NDUFS7: variants seen among roughly 807,000 people sequenced by gnomAD.
The protein encoded by NDUFS7 is NADH dehydrogenase [ubiquinone] iron-sulfur protein 7, mitochondrial.
Under a neutral mutation model 31.1 loss-of-function variants are expected in NDUFS7, and 11 were observed. The observed-to-expected ratio is 0.35, with a 90% CI of 0.22 to 0.59. NDUFS7 has a LOEUF of 0.59. Among genes scored for constraint, NDUFS7 ranks in the 20% least tolerant of loss-of-function variants. The pLI is 0.79. For synonymous variants in NDUFS7, 136 were observed against 127.9 expected, an observed-to-expected ratio of 1.06 and a Z score of -0.43; for missense variants, 263 against 324.2, an observed-to-expected ratio of 0.81 and a Z score of 1.45.
chr19:1,394,398 G>A (rs149492562), intron 7 of NDUFS7: 303 of 1,289,274 alleles, frequency 2.4e-4, no homozygotes, highest in Non-Finnish European at 2.9e-4. Flanking sequence ...AGTGTGGACT[G>A]TACTCCTCCC....
chr19:1,387,633 G>A, intron 1 of NDUFS7, 178 bp from the exon 2 acceptor site: 1 of 651,722 alleles, frequency 1.5e-6, no homozygotes, highest in South Asian at 1.7e-5. Context: ...TCTCAAGCAG[G>A]GGACTAAGAC....
chr19:1,389,145 GCA>G lies in NDUFS7; in HGVS notation c.228+211_228+212del, dbSNP rs766499001. 5.0e-5 allele frequency: 35 copies of G among 701,976 alleles called. No individual in the cohort carries two copies. The East Asian group carries it at 8.6e-4, about 17-fold the overall frequency. 43.5% of individuals were successfully genotyped at this position (701,976 alleles called of 1,614,324 possible). On this transcript the variant is annotated intron_variant, in intron 4 of 7. Coordinates refer to ENST00000233627, the MANE Select transcript of NDUFS7 (RefSeq NM_024407.5). ...ACACTCACGCACACAATGCACATAT[GCA>G]CACTCGCACACATGCACACTTGCAC...
chr19:1,387,658 A>C (rs1301094811), intron 1 of NDUFS7, 153 bp from the exon 2 acceptor site: 2 of 704,640 alleles, frequency 2.8e-6, no homozygotes, highest in Admixed American at 2.0e-5. Context: ...TCGTGTTCTG[A>C]AAACCCCCTC....
At chr19:1,385,601 C>G (rs987388725) in intron 1 of NDUFS7, among the ~76,000 whole-genome samples, 1 of 152,086 alleles carries the variant, frequency 6.6e-6, no homozygotes, top group Non-Finnish European at 1.5e-5. Context: ...GGCGGATCCC[C>G]TGAGTTCGGG....
chr19:1,385,587 G>A (rs1339032357), intron 1 of NDUFS7, among the ~76,000 whole-genome samples: 3 of 152,090 alleles, frequency 2.0e-5, no homozygotes, highest in Non-Finnish European at 2.9e-5. Context: ...GGGAGGCCGA[G>A]GTGGGCGGAT....
intron 7 of NDUFS7, chr19:1,394,651 C>T (rs2082583062): frequency 3.3e-6 from 4 of 1,219,778 alleles, no homozygotes; most frequent in African/African-American, 3.4e-5. Flanking sequence ...CCCTGGGGAC[C>T]TCGCTCCTCC....
chr19:1,391,573 G>A (rs1249039347), intron 6 of NDUFS7, among the ~76,000 whole-genome samples: 39 of 145,278 alleles, frequency 2.7e-4, no homozygotes, highest in African/African-American at 8.5e-4. Context: ...TGCAACCTCC[G>A]CCTCCCAGGT....
chr19:1,388,522 C>A lies in NDUFS7; in HGVS notation c.54-3C>A. 6.2e-7 allele frequency: 1 copy of A among 1,610,894 alleles called. No homozygotes were observed. The highest frequency in any genetic ancestry group is 8.5e-7 in the Non-Finnish European group (1 of 1,179,806). ...CACTGACCCGCGTTCCATCTCCCGG[C>A]AGCTCCAGCGTGGGCCCGGCTGTGC... On this transcript the variant is annotated splice_polypyrimidine_tract_variant and splice_region_variant and intron_variant, in intron 2 of 7. Coordinates refer to ENST00000233627, the MANE Select transcript of NDUFS7 (RefSeq NM_024407.5).
Position 1,395,227 on chromosome 19 carries a change from C to T in NDUFS7, c.545-164C>T, listed in dbSNP as rs115008933. On this transcript the variant is annotated intron_variant, in intron 7 of 7. Coordinates refer to ENST00000233627, the MANE Select transcript of NDUFS7 (RefSeq NM_024407.5). ...CCCACTCTTCCTGCAGGGACCTCCC[C>T]TGCGCCGGCTCCCAGTCCCTGGCAC... The T allele has an allele frequency of 4.3e-3, 6,218 of 1,437,474 alleles. 248 individuals carry two copies. In the African/African-American group the frequency reaches 0.081, roughly 19 times the overall value. The allele number at this position is 1,437,474 out of a possible 1,614,324, so 89.0% of individuals were successfully genotyped here. A position where few individuals can be genotyped will look rare whatever the true frequency, so the allele number is the denominator to read the frequency against.
chr19:1,384,421 G>C (rs1600143610), intron 1 of NDUFS7, among the ~76,000 whole-genome samples: 1 of 152,246 alleles, frequency 6.6e-6, no homozygotes, highest in African/African-American at 2.4e-5. Flanking sequence ...CCCCTGGGAG[G>C]TAAGGGCCTC....
chr19:1,385,976 A>G (rs999463433), intron 1 of NDUFS7, among the ~76,000 whole-genome samples: 4 of 152,208 alleles, frequency 2.6e-5, no homozygotes, highest in African/African-American at 7.2e-5. Context: ...AGCTCCCACC[A>G]GAGCCTGGGG....
rs112099626 is a variant in NDUFS7, at chr19:1,393,005, C to T, written c.456-237C>T. 317 of 592,356 alleles carry T rather than the reference C, an allele frequency of 5.4e-4. No homozygotes were observed. Among genetic ancestry groups the T allele is most frequent in the African/African-American group, 5.0e-3 (272 of 53,884 alleles). 36.7% of individuals were successfully genotyped at this position (592,356 alleles called of 1,614,324 possible). A position where few individuals can be genotyped will look rare whatever the true frequency, so the allele number is the denominator to read the frequency against. On this transcript the variant is annotated intron_variant, in intron 6 of 7. Coordinates refer to ENST00000233627, the MANE Select transcript of NDUFS7 (RefSeq NM_024407.5). This position sits in a 1 kb window ranked among gnomAD's most constrained non-coding sequence, Gnocchi z 7.3. ...CCGGGAATCGGTGGTCAGGAGCCCC[C>T]TCGGGAGGGGAGCACTTTTCCCCGA...
chr19:1,389,197 G>A lies in NDUFS7; in HGVS notation c.228+259G>A, dbSNP rs780045606. ...CACACATGCACACACAAGCACATGTGCACACACGCTTGCACACATACACAC... is the reference window on the plus strand; with the variant it reads ...CACACATGCACACACAAGCACATGTACACACACGCTTGCACACATACACAC... On this transcript the variant is annotated intron_variant, in intron 4 of 7. Coordinates refer to ENST00000233627, the MANE Select transcript of NDUFS7 (RefSeq NM_024407.5). 8.7e-6 allele frequency: 6 copies of A among 687,206 alleles called. No individual in the cohort carries two copies. The African/African-American group carries it at 1.1e-4, about 12-fold the overall frequency. 42.6% of individuals were successfully genotyped at this position (687,206 alleles called of 1,614,324 possible). A position where few individuals can be genotyped will look rare whatever the true frequency, so the allele number is the denominator to read the frequency against.
chr19:1,391,676 G>A (rs1370051089), intron 6 of NDUFS7, among the ~76,000 whole-genome samples: 2 of 151,240 alleles, frequency 1.3e-5, no homozygotes, highest in Non-Finnish European at 2.9e-5. Context: ...TAGTAGAGAC[G>A]GGGTTTTACC....
At chr19:1,387,726 CAGGA>C in intron 1 of NDUFS7, 81 bp from the exon 2 acceptor site, 1 of 1,266,210 alleles carries the variant, frequency 7.9e-7, no homozygotes, top group Admixed American at 1.7e-5. Context: ...GCTGTGCGGG[CAGGA>C]GCCTGATGGG....
intron 1 of NDUFS7, among the ~76,000 whole-genome samples, chr19:1,385,312 C>T (rs368870455): frequency 1.3e-5 from 2 of 151,794 alleles, no homozygotes; most frequent in South Asian, 2.1e-4. Context: ...GTCCGGAGTT[C>T]GAGACCAGCC....
intron 4 of NDUFS7, 109 bp from the exon 5 acceptor site, chr19:1,390,762 C>A: frequency 2.2e-6 from 3 of 1,345,394 alleles, no homozygotes; most frequent in Non-Finnish European, 3.1e-6. Context: ...CCTCTGCCGG[C>A]TGCCGCCCCG....
Position 1,390,868 on chromosome 19 carries a change from CAG to C in NDUFS7, c.229_230del. 6.2e-7 allele frequency: 1 copy of C among 1,607,462 alleles called. No homozygotes were observed. Among genetic ancestry groups the C allele is most frequent in the Non-Finnish European group, 8.5e-7 (1 of 1,179,482 alleles). On this transcript the variant is annotated splice_acceptor_variant, in intron 4 of 7. Coordinates refer to ENST00000233627, the MANE Select transcript of NDUFS7 (RefSeq NM_024407.5). LOFTEE classifies it high-confidence loss of function. ...GCGTCTGACCCGAGCCCGGCCTCCG[CAG>C]AGTTCTCTGTGGCCCATGACCTTCG...
At chr19:1,384,454 G>A (rs781691211) in intron 1 of NDUFS7, among the ~76,000 whole-genome samples, 32 of 152,240 alleles carry the variant, frequency 2.1e-4, no homozygotes, top group Non-Finnish European at 4.1e-4. Flanking sequence ...TCCTGCTCCA[G>A]GGACTTTTTT....
Sources: gnomAD v4.1 joint callset for allele counts (sites outside exome capture counted in the v4.1 genomes callset) on GRCh38, gnomAD v4.1.1 for gene constraint, Gnocchi (gnomAD v3.1) non-coding constraint, MANE v1.5 for transcripts, NCBI Gene and HGNC (gene_info 2026-07-23, HGNC 2026-07-21) for gene names.